The following MMP20 variants were observed in gnomAD, a reference collection of about 807,000 sequenced individuals.
The protein encoded by MMP20 is matrix metalloproteinase-20.
In MMP20, 50 loss-of-function variants were observed where a neutral mutation model predicts 51.8. That is an observed-to-expected ratio of 0.97 (90% confidence interval 0.77 to 1.22). The LOEUF (loss-of-function observed/expected upper bound fraction) is 1.22, where lower values mean the gene tolerates loss of function less well. MMP20 is among the 50% of genes most tolerant of loss of function. The pLI is 0.00. For missense variants in MMP20, 663 were observed against 601.4 expected, an observed-to-expected ratio of 1.10 and a Z score of -1.07; for synonymous variants, 244 against 216.2, an observed-to-expected ratio of 1.13 and a Z score of -1.13.
chr11:102,585,856 G>A (rs77092650), intron 8 of MMP20, among the ~76,000 whole-genome samples: 1 of 152,026 alleles, frequency 6.6e-6, no homozygotes, highest in Non-Finnish European at 1.5e-5. Context: ...TGCTTTTACT[G>A]TATCTACTGA....
At chr11:102,579,724 T>A (rs17174295) in intron 8 of MMP20, among the ~76,000 whole-genome samples, 61 of 152,220 alleles carry the variant, frequency 4.0e-4, no homozygotes, top group African/African-American at 1.4e-3. Context: ...GTCACTTGCT[T>A]AAAGCAGTCT....
intron 1 of MMP20, among the ~76,000 whole-genome samples, chr11:102,618,180 T>C (rs1359292924): frequency 1.3e-5 from 2 of 152,170 alleles, no homozygotes; most frequent in Admixed American, 6.5e-5. Context: ...ATGTCTTCCC[T>C]GAAACAGATG....
At chr11:102,586,831 G>T (rs534823851) in intron 8 of MMP20, among the ~76,000 whole-genome samples, 2 of 151,828 alleles carry the variant, frequency 1.3e-5, no homozygotes, top group East Asian at 1.9e-4. Flanking sequence ...AAAAAAAATT[G>T]TTTCTTTTTT....
At chr11:102,582,477 T>C (rs887689629) in intron 8 of MMP20, among the ~76,000 whole-genome samples, 2 of 152,184 alleles carry the variant, frequency 1.3e-5, no homozygotes, top group Admixed American at 6.5e-5. Context: ...TGAAATTCCA[T>C]TTTGAAGTTA....
chr11:102,595,557 G>T (rs941170122), intron 6 of MMP20, among the ~76,000 whole-genome samples: 2 of 152,210 alleles, frequency 1.3e-5, no homozygotes, highest in African/African-American at 4.8e-5. Flanking sequence ...GTTGAGTCAT[G>T]CTGATTAGAC....
In MMP20 at chr11:102,579,060, C is replaced by G. The variant is rs201488609; in HGVS notation, c.1330G>C (p.Asp444His). ...TTACCATTTAATTCTACAGCAGCAT[C>G]GATTTGGCCATTTACTCCTGAAAAT... ...EEFSGVNGQI[D>H]AAVELNGYIY... Residue 444 changes from aspartate (D) to histidine (H), a missense_variant, in exon 9 of 10, where the codon GAT becomes CAT. By Grantham distance (81) the Asp-to-His change is moderately conservative. Coordinates refer to ENST00000260228, the MANE Select transcript of MMP20 (RefSeq NM_004771.4). 1 of 1,611,678 alleles carries G rather than the reference C, an allele frequency of 6.2e-7. No individual in the cohort carries two copies. Among genetic ancestry groups the G allele is most frequent in the African/African-American group, 1.3e-5 (1 of 74,888 alleles).
At chr11:102,583,955 G>A (rs1240955571) in intron 8 of MMP20, among the ~76,000 whole-genome samples, 3 of 152,160 alleles carry the variant, frequency 2.0e-5, no homozygotes, top group Admixed American at 6.5e-5. Context: ...CCATGTACCA[G>A]CATTTCATTC....
At chr11:102,600,508 G>A (rs540702069) in intron 6 of MMP20, among the ~76,000 whole-genome samples, 4 of 151,992 alleles carry the variant, frequency 2.6e-5, no homozygotes, top group Admixed American at 1.3e-4. Flanking sequence ...TTTTAAGATA[G>A]GGTCTCGCTC....
At chr11:102,603,855 G>A (rs1615443) in intron 6 of MMP20, among the ~76,000 whole-genome samples, 77,288 of 151,924 alleles carry the variant, frequency 0.51, 20,117 homozygotes, top group South Asian at 0.65. Context: ...TCTCTCCTGC[G>A]GTCCCTCTGC....
chr11:102,592,889 C>T (rs1859333930), intron 8 of MMP20, among the ~76,000 whole-genome samples: 1 of 152,198 alleles, frequency 6.6e-6, no homozygotes, highest in African/African-American at 2.4e-5. Flanking sequence ...TTCAGACTTG[C>T]TCATACGAAG....
intron 6 of MMP20, among the ~76,000 whole-genome samples, chr11:102,601,478 G>A (rs575708440): frequency 6.6e-6 from 1 of 152,216 alleles, no homozygotes; most frequent in East Asian, 1.9e-4. Context: ...AATCTCTCTG[G>A]TTGTTATTAA....
chr11:102,611,632 C>T lies in MMP20; in HGVS notation c.523+123G>A, dbSNP rs922226481. ...ATCATGGCTTTGCCATGGTCTTGGC[C>T]TTGGCCCATCACAGCACTGTGCGAA... On this transcript the variant is annotated intron_variant, in intron 3 of 9. Coordinates refer to ENST00000260228, the MANE Select transcript of MMP20 (RefSeq NM_004771.4). 7 of 1,234,930 alleles carry T rather than the reference C, an allele frequency of 5.7e-6. No homozygotes were observed. In the East Asian group the frequency reaches 1.4e-4, roughly 26 times the overall value. The allele number at this position is 1,234,930 out of a possible 1,614,324, so 76.5% of individuals were successfully genotyped here. A position where few individuals can be genotyped will look rare whatever the true frequency, so the allele number is the denominator to read the frequency against.
chr11:102,617,142 T>C, intron 1 of MMP20, 83 bp from the exon 2 acceptor site: 1 of 1,517,872 alleles, frequency 6.6e-7, no homozygotes. Context: ...ACAGCATTCC[T>C]GATGTATTAA....
intron 6 of MMP20, among the ~76,000 whole-genome samples, chr11:102,597,809 C>T (rs1225110877): frequency 6.6e-6 from 1 of 151,836 alleles, no homozygotes; most frequent in Non-Finnish European, 1.5e-5. Flanking sequence ...CTCTTGTTGC[C>T]CAGGCTGGAG....
chr11:102,598,416 C>A (rs896460855), intron 6 of MMP20, among the ~76,000 whole-genome samples: 1 of 152,162 alleles, frequency 6.6e-6, no homozygotes, highest in Non-Finnish European at 1.5e-5. Flanking sequence ...TATTTTAGAT[C>A]TGCTGATTAG....
intron 8 of MMP20, among the ~76,000 whole-genome samples, chr11:102,581,870 A>C (rs1462013094): frequency 6.6e-6 from 1 of 152,238 alleles, no homozygotes; most frequent in East Asian, 1.9e-4. Context: ...ATATTAAGGA[A>C]ATAAATACAA....
chr11:102,582,280 C>T (rs1300643244), intron 8 of MMP20, among the ~76,000 whole-genome samples: 1 of 152,160 alleles, frequency 6.6e-6, no homozygotes, highest in African/African-American at 2.4e-5. Context: ...AAGGGCATAA[C>T]TGACTCCATT....
chr11:102,625,079 C>CTT, intron 1 of MMP20, 115 bp downstream of exon 1: 1 of 1,382,554 alleles, frequency 7.2e-7, no homozygotes, highest in Non-Finnish European at 1.0e-6. Flanking sequence ...CTTCAATGGA[C>CTT]TTATATAAAA....
chr11:102,607,701 T>A (rs770741621), intron 5 of MMP20: 1 of 152,194 alleles, frequency 6.6e-6, no homozygotes, highest in Non-Finnish European at 1.5e-5. Flanking sequence ...TTCACCTGTG[T>A]CATAATAGCT....
Sources: gnomAD v4.1 joint callset for allele counts (sites outside exome capture counted in the v4.1 genomes callset) on GRCh38, gnomAD v4.1.1 for gene constraint, MANE v1.5 for transcripts, NCBI Gene and HGNC (gene_info 2026-07-23, HGNC 2026-07-21) for gene names.